The following ZC2HC1C variants were observed in gnomAD, a reference collection of about 807,000 sequenced individuals.
ZC2HC1C encodes the protein zinc finger C2HC domain-containing protein 1C.
A neutral mutation model predicts 39.2 loss-of-function variants in ZC2HC1C; 25 were observed. That is an observed-to-expected ratio of 0.64 (90% CI 0.47 to 0.89). The LOEUF (loss-of-function observed/expected upper bound fraction) is 0.89, where lower values mean the gene tolerates loss of function less well. Among genes scored for constraint, ZC2HC1C ranks in the 40% least tolerant of loss-of-function variants. The pLI is 0.00. For missense variants in ZC2HC1C, 519 were observed against 548.6 expected, an observed-to-expected ratio of 0.95 and a Z score of 0.54; for synonymous variants, 209 against 214.4, an observed-to-expected ratio of 0.97 and a Z score of 0.22.
chr14:75,072,391 T>C (rs1275563228), intron 2 of ZC2HC1C, among the ~76,000 whole-genome samples: 1 of 152,240 alleles, frequency 6.6e-6, no homozygotes, highest in African/African-American at 2.4e-5. Context: ...TCTGTGACCA[T>C]TCCTTTAACT....
At position 75,071,464 on chromosome 14, in the gene ZC2HC1C, T is replaced by G; in HGVS notation, c.891T>G (p.Ser297Arg). 2 of 1,614,138 alleles carry G rather than the reference T, an allele frequency of 1.2e-6. No homozygotes were observed. Among genetic ancestry groups the G allele is most frequent in the East Asian group, 4.5e-5 (2 of 44,878 alleles). The stretch of plus-strand genomic sequence containing the variant: ...AATTTGAGTTTGAGGAAGAATTTAG[T>G]AGAGACAGGAGAGAGGATGAAACTT... ...SPEFEFEEEF[S>R]RDRREDETWG... Residue 297 changes from serine to arginine, a missense_variant, in exon 2 of 3, where the codon AGT (serine) becomes AGG (arginine). Transcript: ENST00000524913.
chr14:75,071,281 A>C lies in ZC2HC1C; in HGVS notation c.708A>C (p.Gly236=). ...EIRRKQILLR[G]KLKKTEEELR... is the part of the protein sequence containing the mutation. The stretch of plus-strand genomic sequence containing the variant: ...GAAGAAAGCAGATTCTCCTGAGGGG[A>C]AAGCTGAAGAAGACAGAGGAGGAAC... Residue 236 remains glycine (G), a synonymous_variant, in exon 2 of 3, where the codon GGA becomes GGC. Coordinates refer to ENST00000524913, the MANE Select transcript of ZC2HC1C (RefSeq NM_024643.4). 6.2e-7 allele frequency: 1 copy of C among 1,614,180 alleles called. No individual in the cohort carries two copies. The highest frequency in any genetic ancestry group is 8.5e-7 in the Non-Finnish European group (1 of 1,180,030).
chr14:75,071,173 G>T lies in ZC2HC1C; in HGVS notation c.600G>T (p.Lys200Asn). ...TTCTTGCTGCCACGCAGGCGGAGAA[G>T]GCCGTGGCAAACTTTGACAGGACGG... ...GTVLAATQAE[K>N]AVANFDRTEW... The change falls in exon 2 of 3, where the codon AAG becomes AAT. Residue 200 changes from lysine (K) to asparagine (N), a missense_variant. Lys to Asn is a moderately conservative substitution (Grantham distance 94). Coordinates refer to ENST00000524913, the MANE Select transcript of ZC2HC1C (RefSeq NM_024643.4). The T allele has an allele frequency of 6.2e-7, 1 of 1,614,212 alleles. No homozygotes were observed. The highest frequency in any genetic ancestry group is 8.5e-7 in the Non-Finnish European group (1 of 1,180,040).
rs190763788 is a variant in ZC2HC1C at position 75,077,579 on chromosome 14, T to C, written c.*15T>C. On this transcript the variant is annotated 3_prime_UTR_variant, in exon 3 of 3. Coordinates refer to ENST00000524913, the MANE Select transcript of ZC2HC1C (RefSeq NM_024643.4). ...ACTGGAGATAGAAGCATGAATCTTT[T>C]ATCCATACGTTCCGCCAGGCTCGAG... 6 of 1,614,206 alleles carry C rather than the reference T, an allele frequency of 3.7e-6. No individual in the cohort carries two copies. The Admixed American group carries it at 6.7e-5, about 18-fold the overall frequency.
In ZC2HC1C at chr14:75,078,187, G is replaced by C. The variant is rs896710640; in HGVS notation, c.*623G>C. 6.6e-6 allele frequency: 1 copy of C among 152,354 alleles called. No individual in the cohort carries two copies. The highest frequency in any genetic ancestry group is 2.4e-5 in the African/African-American group (1 of 41,446). The allele number at this position is 152,354 out of a possible 1,614,324, so 9.4% of individuals were successfully genotyped here. A position where few individuals can be genotyped will look rare whatever the true frequency, so the allele number is the denominator to read the frequency against. On this transcript the variant is annotated 3_prime_UTR_variant, in exon 3 of 3. Transcript: ENST00000524913. ...AGAGTTCCTGTTAACTCTTGCTTTT[G>C]TAGAAGCTGGAGTTATTAGGATGTG...
chr14:75,072,210 C>CT (rs1893460433), intron 2 of ZC2HC1C, among the ~76,000 whole-genome samples: 1 of 151,986 alleles, frequency 6.6e-6, no homozygotes, highest in South Asian at 2.1e-4. Context: ...GTTGGAATGA[C>CT]TAAAAAATCT....
rs754821064 is a variant in ZC2HC1C, at chr14:75,071,564, C to G, written c.991C>G (p.Leu331Val). The change falls in exon 2 of 3, where the codon CTG becomes GTG. Residue 331 changes from leucine (L) to valine (V), a missense_variant. Physicochemically the swap from Leu to Val is conservative, Grantham distance 32. Coordinates refer to ENST00000524913, the MANE Select transcript of ZC2HC1C (RefSeq NM_024643.4). ...YRIQRLKRER[L>V]VASNNKIRDP... Reference sequence around the variant, plus strand: ...AATCCAGAGGCTCAAAAGGGAAAGGCTGGTAGCAAGCAATAATAAAATTCG... The same window carrying G: ...AATCCAGAGGCTCAAAAGGGAAAGGGTGGTAGCAAGCAATAATAAAATTCG... The G allele has an allele frequency of 1.2e-6, 2 of 1,614,160 alleles. No homozygotes were observed. Among genetic ancestry groups the G allele is most frequent in the South Asian group, 2.2e-5 (2 of 91,078 alleles).
chr14:75,074,360 G>C (rs1468068348), intron 2 of ZC2HC1C, among the ~76,000 whole-genome samples: 1 of 152,100 alleles, frequency 6.6e-6, no homozygotes, highest in African/African-American at 2.4e-5. Flanking sequence ...ATCACCAAGA[G>C]CTAGTTGTCT....
chr14:75,071,714 G>C lies in ZC2HC1C; in HGVS notation c.1141G>C (p.Gly381Arg). Reference protein sequence around the residue: ...SMAPDSSGSSGSIEEPQLGEC... With the variant: ...SMAPDSSGSSRSIEEPQLGEC... Reference sequence around the variant, plus strand: ...GGCACCAGACTCCTCAGGTTCCAGCGGCTCCATTGAAGAGCCACAGCTGGG... The same window carrying C: ...GGCACCAGACTCCTCAGGTTCCAGCCGCTCCATTGAAGAGCCACAGCTGGG... The change falls in exon 2 of 3, where the codon GGC becomes CGC. Residue 381 changes from glycine to arginine, a missense_variant. Transcript: ENST00000524913. 1 of 1,614,166 alleles carries C rather than the reference G, an allele frequency of 6.2e-7. No homozygotes were observed. The highest frequency in any genetic ancestry group is 8.5e-7 in the Non-Finnish European group (1 of 1,180,018).
At chr14:75,071,964 G>A in intron 2 of ZC2HC1C, 53 bp downstream of exon 2, 1 of 1,513,072 alleles carries the variant, frequency 6.6e-7, no homozygotes, top group Non-Finnish European at 8.8e-7. Flanking sequence ...GTAGGGGTCT[G>A]TTTTGTCATC....
chr14:75,074,759 A>G (rs1038927059), intron 2 of ZC2HC1C, among the ~76,000 whole-genome samples: 3 of 152,046 alleles, frequency 2.0e-5, no homozygotes, highest in African/African-American at 7.2e-5. Flanking sequence ...TTTAGTTAAG[A>G]CAGGGTTTCA....
chr14:75,078,207 G>T lies in ZC2HC1C; in HGVS notation c.*643G>T, dbSNP rs2139690206. On this transcript the variant is annotated 3_prime_UTR_variant, in exon 3 of 3. Coordinates refer to ENST00000524913, the MANE Select transcript of ZC2HC1C (RefSeq NM_024643.4). Reference sequence around the variant, plus strand: ...CTTTTGTAGAAGCTGGAGTTATTAGGATGTGTTGGTGTCAGAGGGGCATGA... The same window carrying T: ...CTTTTGTAGAAGCTGGAGTTATTAGTATGTGTTGGTGTCAGAGGGGCATGA... 6.6e-6 allele frequency: 1 copy of T among 152,416 alleles called. No homozygotes were observed. The highest frequency in any genetic ancestry group is 2.1e-4 in the South Asian group (1 of 4,820). The allele number at this position is 152,416 out of a possible 1,614,324, so 9.4% of individuals were successfully genotyped here.
Position 75,076,261 on chromosome 14 carries a change from T to C in ZC2HC1C, c.1339-1271T>C, listed in dbSNP as rs191668738. Reference sequence around the variant, plus strand: ...TTTCTTGACATTAGTTTACAACATTTCTATTTATTTATTTATTTATTTTTT... The same window carrying C: ...TTTCTTGACATTAGTTTACAACATTCCTATTTATTTATTTATTTATTTTTT... On this transcript the variant is annotated intron_variant, in intron 2 of 2. Coordinates refer to ENST00000524913, the MANE Select transcript of ZC2HC1C (RefSeq NM_024643.4). Among the ~76,000 whole-genome samples, 217 of 152,248 alleles carry C rather than the reference T, an allele frequency of 1.4e-3. 4 individuals carry two copies. The highest frequency in any genetic ancestry group is 5.1e-4 in the Non-Finnish European group (35 of 68,014).
intron 2 of ZC2HC1C, among the ~76,000 whole-genome samples, chr14:75,074,254 T>C (rs900226393): frequency 1.3e-5 from 2 of 152,172 alleles, no homozygotes; most frequent in East Asian, 1.9e-4. Context: ...AATACTCTCT[T>C]GCCTTCTTGT....
Position 75,070,981 on chromosome 14 carries a change from C to T in ZC2HC1C, c.408C>T (p.Asp136=), listed in dbSNP as rs1893359793. 3 of 1,614,134 alleles carry T rather than the reference C, an allele frequency of 1.9e-6. No individual in the cohort carries two copies. The highest frequency in any genetic ancestry group is 2.5e-6 in the Non-Finnish European group (3 of 1,180,034). The change falls in exon 2 of 3, where the codon GAC becomes GAT. Residue 136 remains aspartate, a synonymous_variant. Coordinates refer to ENST00000524913, the MANE Select transcript of ZC2HC1C (RefSeq NM_024643.4). ...TTACAAAGAAACGAGTTGGAGTGGACCGGGCGTTCCCATTGAAACCCATGG... is the reference window on the plus strand; with the variant it reads ...TTACAAAGAAACGAGTTGGAGTGGATCGGGCGTTCCCATTGAAACCCATGG... The part of the protein sequence containing the change: ...IPFTKKRVGV[D]RAFPLKPMVH...
Position 75,071,907 on chromosome 14 carries a change from C to A in ZC2HC1C, c.1334C>A (p.Ala445Asp). The change falls in exon 2 of 3, where the codon GCC becomes GAC. Residue 445 changes from alanine to aspartate, a missense_variant. Coordinates refer to ENST00000524913, the MANE Select transcript of ZC2HC1C (RefSeq NM_024643.4). ...TTGAACTGGAAGGGGCCAGCTTCAG[C>A]CAAGGTAACAAGAGCCTTATGGATG... ...QYLNWKGPASAKAEPPQKSNW... is the reference protein window; with the variant it reads ...QYLNWKGPASDKAEPPQKSNW... 6.3e-7 allele frequency: 1 copy of A among 1,585,422 alleles called. No homozygotes were observed. Among genetic ancestry groups the A allele is most frequent in the Non-Finnish European group, 8.6e-7 (1 of 1,167,064 alleles).
chr14:75,076,341 T>C (rs1340185165), intron 2 of ZC2HC1C, among the ~76,000 whole-genome samples: 1 of 152,176 alleles, frequency 6.6e-6, no homozygotes, highest in Admixed American at 6.5e-5. Flanking sequence ...TGATCTTGGC[T>C]CACTGCAACC....
chr14:75,076,272 A>G (rs1893663092), intron 2 of ZC2HC1C, among the ~76,000 whole-genome samples: 1 of 151,486 alleles, frequency 6.6e-6, no homozygotes, highest in Admixed American at 6.6e-5. Flanking sequence ...CTATTTATTT[A>G]TTTATTTATT....
intron 2 of ZC2HC1C, among the ~76,000 whole-genome samples, chr14:75,073,923 G>A (rs1210472192): frequency 6.6e-6 from 1 of 152,002 alleles, no homozygotes; most frequent in Non-Finnish European, 1.5e-5. Context: ...ACCGAGTCTC[G>A]CCCTGTTGCC....
Sources: allele counts gnomAD v4.1 joint callset (sites outside exome capture counted in the v4.1 genomes callset), GRCh38; gene constraint gnomAD v4.1.1; transcripts MANE v1.5; gene names NCBI Gene and HGNC (gene_info 2026-07-23, HGNC 2026-07-21).